Variants in CEP83 observed in about 807,000 individuals in gnomAD.
CEP83 encodes the protein centrosomal protein 83.
In CEP83, 70 loss-of-function variants were observed where a neutral mutation model predicts 101.9. The ratio of observed to expected loss-of-function variants is 0.69; its 90% CI spans 0.57 to 0.84. The LOEUF (loss-of-function observed/expected upper bound fraction) is 0.84, where lower values mean the gene tolerates loss of function less well. Among genes scored for constraint, CEP83 ranks in the 40% least tolerant of loss-of-function variants. CEP83 has a pLI of 0.00. For missense variants in CEP83, 715 were observed against 787.2 expected (o/e 0.91, Z 1.10); for synonymous variants, 264 against 267.9 (o/e 0.99, Z 0.14).
At chr12:94,296,440 T>G in the CEP83 span, among the ~76,000 whole-genome samples, 1 of 152,204 alleles carries the variant, frequency 6.6e-6, no homozygotes, top group East Asian at 1.9e-4. Context: ...GGATTACAGA[T>G]GTGAGCCACT....
At chr12:94,331,508 AG>A (rs2059219815) in intron 14 of CEP83, among the ~76,000 whole-genome samples, 191 bp downstream of exon 14, 1 of 151,062 alleles carries the variant, frequency 6.6e-6, no homozygotes, top group Non-Finnish European at 1.5e-5. Flanking sequence ...CTGGGGCTAC[AG>A]GCGCCCGCCA....
intron 8 of CEP83, among the ~76,000 whole-genome samples, chr12:94,373,242 T>G (rs1482576190): frequency 6.6e-6 from 1 of 152,196 alleles, no homozygotes; most frequent in Non-Finnish European, 1.5e-5. Context: ...GTTTGCCATA[T>G]AGATTCTGGC....
chr12:94,304,083 T>G (rs1968758514), downstream of CEP83: 1 of 1,289,848 alleles, frequency 7.8e-7, no homozygotes, highest in South Asian at 1.2e-5. Context: ...TTTTTAACCT[T>G]TGAATCAGGC....
At chr12:94,286,835 G>C in the CEP83 span, among the ~76,000 whole-genome samples, 1 of 152,118 alleles carries the variant, frequency 6.6e-6, no homozygotes, top group African/African-American at 2.4e-5. Context: ...GGCAAACAGA[G>C]TGTAGCTGGT....
At chr12:94,276,848 A>T in the CEP83 span, 3 of 152,146 alleles carry the variant, frequency 2.0e-5, no homozygotes, top group African/African-American at 7.2e-5. Context: ...GGCCCAGAAC[A>T]TAAAGGTTCT....
At chr12:94,306,689 A>G (rs1280073824), downstream of CEP83, 1 of 152,174 alleles carries the variant, frequency 6.6e-6, no homozygotes, top group Non-Finnish European at 1.5e-5. Flanking sequence ...ATCATTTACC[A>G]ACACTGTATG....
At chr12:94,440,085 A>C (rs1306692677) in intron 1 of CEP83, among the ~76,000 whole-genome samples, 1 of 152,190 alleles carries the variant, frequency 6.6e-6, no homozygotes, top group Non-Finnish European at 1.5e-5. Flanking sequence ...CATTACACTG[A>C]ACAGAGAAAA....
intron 2 of CEP83, among the ~76,000 whole-genome samples, chr12:94,421,022 T>A (rs1333442942): frequency 6.6e-6 from 1 of 151,976 alleles, no homozygotes; most frequent in Non-Finnish European, 1.5e-5. Flanking sequence ...CATTGTTGTG[T>A]ACTTTTCTAT....
chr12:94,297,454 G>A, the CEP83 span: 1 of 1,411,316 alleles, frequency 7.1e-7, no homozygotes, highest in Non-Finnish European at 1.0e-6. Flanking sequence ...GCACTTTATG[G>A]CTACCTAGGG....
At chr12:94,416,915 G>A (rs187746841) in intron 2 of CEP83, among the ~76,000 whole-genome samples, 19 of 152,068 alleles carry the variant, frequency 1.2e-4, no homozygotes, top group Non-Finnish European at 1.9e-4. Context: ...GGGTATCAGG[G>A]AAGATCACAT....
At chr12:94,279,583 A>C in the CEP83 span, 3 of 1,614,186 alleles carry the variant, frequency 1.9e-6, no homozygotes, top group Non-Finnish European at 2.5e-6. Context: ...CAAAGAAAAG[A>C]TTTTCCAAGC....
the CEP83 span, among the ~76,000 whole-genome samples, chr12:94,281,590 T>C: frequency 9.4e-6 from 1 of 106,888 alleles, no homozygotes; most frequent in East Asian, 2.8e-4. Flanking sequence ...TAAAAACTTT[T>C]AAAAAAAATT....
At chr12:94,332,366 T>C (rs141362752) in intron 13 of CEP83, among the ~76,000 whole-genome samples, 1 of 152,326 alleles carries the variant, frequency 6.6e-6, no homozygotes, top group African/African-American at 2.4e-5. Flanking sequence ...ATACTTTATA[T>C]GATTTTTTTA....
intron 6 of CEP83, among the ~76,000 whole-genome samples, chr12:94,397,762 C>T (rs1404457518): frequency 6.6e-6 from 1 of 152,190 alleles, no homozygotes; most frequent in East Asian, 1.9e-4. Context: ...CTTCAATATA[C>T]TAAATCTTCG....
chr12:94,278,004 A>C, the CEP83 span: 2 of 456,054 alleles, frequency 4.4e-6, no homozygotes, highest in Non-Finnish European at 8.8e-6. Context: ...CTCTGCATAT[A>C]TACCTGGCTA....
chr12:94,433,748 T>TA (rs2065809590), intron 2 of CEP83, among the ~76,000 whole-genome samples: 1 of 151,190 alleles, frequency 6.6e-6, no homozygotes, highest in Admixed American at 6.6e-5. Context: ...AATAATTAGA[T>TA]ACCTATACCC....
At chr12:94,306,356 A>G (rs1042780918), downstream of CEP83, 1 of 152,198 alleles carries the variant, frequency 6.6e-6, no homozygotes, top group Admixed American at 6.5e-5. Context: ...TAGTCTTACT[A>G]TGTACTTTTT....
rs533706822 is a variant in CEP83, at chr12:94,413,275, T to C, written c.-101-684A>G. The stretch of plus-strand genomic sequence containing the variant: ...TTTCTTTACCTCCATGCAGCTTCTA[T>C]GCTTCTATGACCATCAAAATCACAT... On this transcript the variant is annotated intron_variant, in intron 2 of 16. Transcript: ENST00000397809. Among the ~76,000 whole-genome samples the C allele has an allele frequency of 2.3e-3, 346 of 152,374 alleles. 1 individual carries two copies. The highest frequency in any genetic ancestry group is 7.6e-3 in the African/African-American group (317 of 41,598).
chr12:94,266,953 G>T, the CEP83 span, among the ~76,000 whole-genome samples: 2 of 152,202 alleles, frequency 1.3e-5, no homozygotes, highest in African/African-American at 4.8e-5. Context: ...GAGCCCAGGC[G>T]TGGATGTATT....
Sources: gnomAD v4.1 joint callset for allele counts (sites outside exome capture counted in the v4.1 genomes callset) on GRCh38, gnomAD v4.1.1 for gene constraint, MANE v1.5 for transcripts, NCBI Gene and HGNC (gene_info 2026-07-23, HGNC 2026-07-21) for gene names.